FFAR4: variants seen among roughly 807,000 people sequenced by gnomAD.
FFAR4 encodes the protein G-protein coupled receptor 120.
Under a neutral mutation model 27.0 loss-of-function variants are expected in FFAR4, and 19 were observed. The ratio of observed to expected loss-of-function variants is 0.70; its 90% CI spans 0.49 to 1.03. The LOEUF (loss-of-function observed/expected upper bound fraction) is 1.03, where lower values mean the gene tolerates loss of function less well. FFAR4 is among the 50% of genes least tolerant of loss of function. The probability of loss-of-function intolerance (pLI) is 0.00; values close to 1 mark genes in which losing one functional copy is unlikely to be tolerated. For missense variants in FFAR4, 476 were observed against 479.0 expected (o/e 0.99, Z 0.06); for synonymous variants, 254 against 215.6 (o/e 1.18, Z -1.56).
At chr10:93,578,838 G>T (rs1008717620) in intron 2 of FFAR4, among the ~76,000 whole-genome samples, 1 of 152,208 alleles carries the variant, frequency 6.6e-6, no homozygotes, top group African/African-American at 2.4e-5. Flanking sequence ...AGGAATTGAT[G>T]CTAGAGCAGG....
At chr10:93,583,979 A>T (rs941024920) in intron 2 of FFAR4, among the ~76,000 whole-genome samples, 19 of 152,340 alleles carry the variant, frequency 1.2e-4, no homozygotes, top group Non-Finnish European at 8.8e-5. Flanking sequence ...CTGCTGTCAG[A>T]ATCAGCCCTT....
chr10:93,585,773 A>AC (rs1214727404), intron 2 of FFAR4, among the ~76,000 whole-genome samples: 2 of 152,102 alleles, frequency 1.3e-5, no homozygotes, highest in Non-Finnish European at 2.9e-5. Context: ...CCCAAGCAGC[A>AC]CCCACTCCAA....
In FFAR4 at chr10:93,587,491, T is replaced by C. The variant is rs750471376; in HGVS notation, c.968T>C (p.Met323Thr). The change falls in exon 3 of 3, where the codon ATG (methionine) becomes ACG (threonine). Residue 323 changes from methionine (M) to threonine (T), a missense_variant. By Grantham distance (81) the Met-to-Thr change is moderately conservative (BLOSUM62 -1). Transcript: ENST00000371481. ...NSALNPILYN[M>T]TLCRNEWKKI... is the part of the protein sequence containing the mutation. ...GCCCTAAACCCCATCCTCTACAACA[T>C]GACACTGTGCAGGAATGAGTGGAAG... The C allele has an allele frequency of 1.9e-6, 3 of 1,614,088 alleles. No individual in the cohort carries two copies. Among genetic ancestry groups the C allele is most frequent in the Non-Finnish European group, 2.5e-6 (3 of 1,180,008 alleles).
At chr10:93,568,475 G>A (rs2058113281) in intron 1 of FFAR4, among the ~76,000 whole-genome samples, 1 of 152,168 alleles carries the variant, frequency 6.6e-6, no homozygotes, top group South Asian at 2.1e-4. Context: ...CTGAGTAATC[G>A]TGGCACAAAC....
chr10:93,570,405 G>T (rs1247084625), intron 1 of FFAR4, among the ~76,000 whole-genome samples: 1 of 151,624 alleles, frequency 6.6e-6, no homozygotes, highest in African/African-American at 2.4e-5. Flanking sequence ...GGAGGATCTG[G>T]TCTAGACTGA....
chr10:93,583,288 C>A (rs1473726856), intron 2 of FFAR4, among the ~76,000 whole-genome samples: 1 of 149,412 alleles, frequency 6.7e-6, no homozygotes, highest in Non-Finnish European at 1.5e-5. Context: ...TGATGGCGGG[C>A]GCCTGTAGTC....
In FFAR4 at chr10:93,567,184, G is replaced by T. The variant is rs567274570; in HGVS notation, c.464G>T (p.Arg155Leu). 1.4e-5 allele frequency: 23 copies of T among 1,603,270 alleles called. No homozygotes were observed. The highest frequency in any genetic ancestry group is 1.9e-5 in the Non-Finnish European group (22 of 1,179,052). The change falls in exon 1 of 3, where the codon CGG (arginine) becomes CTG (leucine). Residue 155 changes from arginine to leucine, a missense_variant. Coordinates refer to ENST00000371481, the MANE Select transcript of FFAR4 (RefSeq NM_001195755.2). ...GTGCGGGGTCCTGGGCGGCGGGCGC[G>T]GGCAGTGCTGCTGGCGCTCATCTGG... ...RGVRGPGRRA[R>L]AVLLALIWGY...
rs1454820857 is a variant in FFAR4, at chr10:93,567,026, G to T, written c.306G>T (p.Glu102Asp). 6.2e-7 allele frequency: 1 copy of T among 1,611,798 alleles called. No homozygotes were observed. Among genetic ancestry groups the T allele is most frequent in the Non-Finnish European group, 8.5e-7 (1 of 1,179,864 alleles). Residue 102 changes from glutamate to aspartate, a missense_variant, in exon 1 of 3, where the codon GAG becomes GAT. Glu to Asp is a conservative substitution (Grantham distance 45, BLOSUM62 2). Transcript: ENST00000371481. Reference sequence around the variant, plus strand: ...TGGTGCTGGCCGTGCGCTGGACTGAGGCCTGGCTGCTGGGCCCCGTTGCCT... The same window carrying T: ...TGGTGCTGGCCGTGCGCTGGACTGATGCCTGGCTGCTGGGCCCCGTTGCCT... ...IPLVLAVRWT[E>D]AWLLGPVACH...
At chr10:93,573,835 A>C (rs529881820) in intron 1 of FFAR4, among the ~76,000 whole-genome samples, 1 of 152,326 alleles carries the variant, frequency 6.6e-6, no homozygotes, top group Admixed American at 6.5e-5. Context: ...GTTTCTGTTG[A>C]AAAATAGCTG....
chr10:93,569,884 C>T (rs1180776816), intron 1 of FFAR4, among the ~76,000 whole-genome samples: 1 of 151,720 alleles, frequency 6.6e-6, no homozygotes, highest in African/African-American at 2.4e-5. Context: ...CGTGGTGAAA[C>T]CCCATCTCTA....
chr10:93,589,307 T>C lies in FFAR4; in HGVS notation c.*1698T>C, dbSNP rs1371181707. On this transcript the variant is annotated 3_prime_UTR_variant, in exon 3 of 3. Coordinates refer to ENST00000371481, the MANE Select transcript of FFAR4 (RefSeq NM_001195755.2). ...TGTGTGCAAAGATTACCCTGGCTGC[T>C]GGGCAGGGAATAGACTCTGAGGAGC... 6.6e-6 allele frequency: 1 copy of C among 152,354 alleles called. No individual in the cohort carries two copies. Among genetic ancestry groups the C allele is most frequent in the East Asian group, 1.9e-4 (1 of 5,188 alleles). The allele number at this position is 152,354 out of a possible 1,614,324, so 9.4% of individuals were successfully genotyped here.
In FFAR4 at chr10:93,587,655, G is replaced by A. The variant is rs762136485; in HGVS notation, c.*46G>A. 4.5e-6 allele frequency: 7 copies of A among 1,567,602 alleles called. No individual in the cohort carries two copies. Among genetic ancestry groups the A allele is most frequent in the Non-Finnish European group, 6.0e-6 (7 of 1,158,520 alleles). Reference sequence around the variant, plus strand: ...TCTCACACCTGGCGAGCTGTGGCATGCTTTTAAACAGAGTTCATTTCCAGT... The same window carrying A: ...TCTCACACCTGGCGAGCTGTGGCATACTTTTAAACAGAGTTCATTTCCAGT... On this transcript the variant is annotated 3_prime_UTR_variant, in exon 3 of 3. Transcript: ENST00000371481.
chr10:93,577,001 C>T (rs749299490), intron 2 of FFAR4, among the ~76,000 whole-genome samples: 16 of 152,170 alleles, frequency 1.1e-4, no homozygotes, highest in Non-Finnish European at 2.1e-4. Flanking sequence ...TATTATCTTC[C>T]AGTTGCTACT....
In FFAR4 at chr10:93,589,112, C is replaced by G. The variant is rs1051124837; in HGVS notation, c.*1503C>G. The stretch of plus-strand genomic sequence containing the variant: ...TGGCGTAAGCCGACTATTGATGGAG[C>G]CTCCTCTGCACTAGGCACTGCCTTT... On this transcript the variant is annotated 3_prime_UTR_variant, in exon 3 of 3. Coordinates refer to ENST00000371481, the MANE Select transcript of FFAR4 (RefSeq NM_001195755.2). 4 of 152,356 alleles carry G rather than the reference C, an allele frequency of 2.6e-5. No homozygotes were observed. The highest frequency in any genetic ancestry group is 6.8e-3 in the Middle Eastern group (2 of 294). 9.4% of individuals were successfully genotyped at this position (152,356 alleles called of 1,614,324 possible).
chr10:93,587,177 C>T (rs1564786089), intron 2 of FFAR4, 43 bp from the exon 3 acceptor site: 2 of 1,558,832 alleles, frequency 1.3e-6, no homozygotes, highest in East Asian at 2.3e-5. Flanking sequence ...CCCCAACAAC[C>T]CTCGGTCACC....
In FFAR4 at chr10:93,576,087, C is replaced by G; in HGVS notation, c.568-4C>G. The G allele has an allele frequency of 6.2e-7, 1 of 1,613,630 alleles. No homozygotes were observed. The highest frequency in any genetic ancestry group is 1.1e-5 in the South Asian group (1 of 91,028). On this transcript the variant is annotated splice_region_variant and splice_polypyrimidine_tract_variant and intron_variant, in intron 1 of 2. Transcript: ENST00000371481. The stretch of plus-strand genomic sequence containing the variant: ...CATGATGTTCTTTTCCTTTTTGTAA[C>G]TAGGAAATTTCGATTTGCACACTGA...
At chr10:93,581,346 G>T (rs1197461254) in intron 2 of FFAR4, among the ~76,000 whole-genome samples, 1 of 152,198 alleles carries the variant, frequency 6.6e-6, no homozygotes. Context: ...CCTGCATGCT[G>T]GTCGTGGAAG....
intron 2 of FFAR4, among the ~76,000 whole-genome samples, chr10:93,586,080 G>T (rs1202658024): frequency 6.6e-6 from 1 of 152,134 alleles, no homozygotes; most frequent in African/African-American, 2.4e-5. Flanking sequence ...GAGTGATATG[G>T]TTTGGCTGTG....
At chr10:93,578,796 C>A (rs181249547) in intron 2 of FFAR4, among the ~76,000 whole-genome samples, 54 of 152,332 alleles carry the variant, frequency 3.5e-4, no homozygotes, top group Non-Finnish European at 6.6e-4. Context: ...AGAGGATAAA[C>A]AACAGCCCAG....
Sources: gnomAD v4.1 joint callset for allele counts (sites outside exome capture counted in the v4.1 genomes callset) on GRCh38, gnomAD v4.1.1 for gene constraint, MANE v1.5 for transcripts, NCBI Gene and HGNC (gene_info 2026-07-23, HGNC 2026-07-21) for gene names.